The following ITFG1 variants were observed in gnomAD, a reference collection of about 807,000 sequenced individuals.
The protein encoded by ITFG1 is T-cell immunomodulatory protein.
In ITFG1, 34 loss-of-function variants were observed where a neutral mutation model predicts 81.8. The observed-to-expected ratio is 0.42, with a 90% CI of 0.32 to 0.55. ITFG1 has a LOEUF of 0.55. Ranked by LOEUF, ITFG1 falls within the 20% of genes least tolerant of loss-of-function variation. The pLI is 0.17. For missense variants in ITFG1, 672 were observed against 755.4 expected (o/e 0.89, Z 1.29); for synonymous variants, 285 against 270.6 (o/e 1.05, Z -0.52).
chr16:47,224,228 T>G (rs1047289055), intron 13 of ITFG1, among the ~76,000 whole-genome samples: 2 of 151,952 alleles, frequency 1.3e-5, no homozygotes, highest in Non-Finnish European at 2.9e-5. Flanking sequence ...AATAAATAAA[T>G]AAAAGAAAAT....
intron 8 of ITFG1, among the ~76,000 whole-genome samples, chr16:47,340,174 T>C (rs1012991133): frequency 5.3e-5 from 8 of 152,084 alleles, no homozygotes; most frequent in Non-Finnish European, 8.8e-5. Context: ...AATTTTTTTT[T>C]CCACTATCAG....
intron 5 of ITFG1, among the ~76,000 whole-genome samples, chr16:47,433,397 T>A (rs556417063): frequency 8.2e-4 from 125 of 152,338 alleles, no homozygotes; most frequent in Non-Finnish European, 1.5e-3. Flanking sequence ...GGCAACCAAC[T>A]GGCTTTGTTC....
chr16:47,240,268 C>T (rs1057335762), intron 12 of ITFG1, among the ~76,000 whole-genome samples: 30 of 146,554 alleles, frequency 2.0e-4, no homozygotes, highest in Middle Eastern at 3.6e-3. Flanking sequence ...TGCACTCCAG[C>T]CTTGGTGACA....
At chr16:47,341,358 A>G (rs1415415082) in intron 8 of ITFG1, among the ~76,000 whole-genome samples, 3 of 147,538 alleles carry the variant, frequency 2.0e-5, no homozygotes, top group Non-Finnish European at 4.5e-5. Flanking sequence ...TGATCCCTTG[A>G]GCCCAGGAGT....
At chr16:47,376,530 C>T (rs11863593) in intron 6 of ITFG1, among the ~76,000 whole-genome samples, 3,232 of 152,018 alleles carry the variant, frequency 0.021, 114 homozygotes, top group African/African-American at 0.072. Context: ...TCAAATGAAA[C>T]ATCCTATTAT....
intron 13 of ITFG1, among the ~76,000 whole-genome samples, chr16:47,233,508 A>G (rs1965839796): frequency 6.6e-6 from 1 of 152,228 alleles, no homozygotes; most frequent in Non-Finnish European, 1.5e-5. Flanking sequence ...TGAAGACTGG[A>G]GAAAAATACC....
intron 8 of ITFG1, among the ~76,000 whole-genome samples, chr16:47,346,680 C>T (rs1967859648): frequency 6.6e-6 from 1 of 152,110 alleles, no homozygotes; most frequent in Non-Finnish European, 1.5e-5. Flanking sequence ...CTGATAAATT[C>T]CTGGATATAC....
intron 10 of ITFG1, among the ~76,000 whole-genome samples, chr16:47,270,814 A>AT (rs1344002051): frequency 2.0e-5 from 3 of 151,926 alleles, no homozygotes; most frequent in African/African-American, 7.3e-5. Flanking sequence ...AAAGGAACAG[A>AT]TATTGTGTGA....
chr16:47,207,379 C>T (rs374906033), intron 14 of ITFG1, among the ~76,000 whole-genome samples: 12 of 152,312 alleles, frequency 7.9e-5, no homozygotes, highest in African/African-American at 1.7e-4. Context: ...CCACCGCGCC[C>T]GGCCTGCTCT....
intron 14 of ITFG1, among the ~76,000 whole-genome samples, chr16:47,179,814 A>G (rs1384557928): frequency 3.9e-5 from 6 of 152,160 alleles, no homozygotes; most frequent in African/African-American, 1.4e-4. Context: ...TCCATGCTCA[A>G]ATGCTGAGTT....
At chr16:47,181,991 C>G (rs904903720) in intron 14 of ITFG1, among the ~76,000 whole-genome samples, 4 of 152,000 alleles carry the variant, frequency 2.6e-5, no homozygotes, top group African/African-American at 9.7e-5. Context: ...CAGCAGGCTC[C>G]TTAAGAGTCA....
intron 14 of ITFG1, among the ~76,000 whole-genome samples, chr16:47,186,396 A>G (rs959108269): frequency 1.8e-4 from 28 of 152,178 alleles, no homozygotes; most frequent in Non-Finnish European, 2.9e-5. Flanking sequence ...GCAACACATC[A>G]AAAAGCTTAT....
chr16:47,409,615 C>G (rs1968784082), intron 6 of ITFG1, among the ~76,000 whole-genome samples: 2 of 149,318 alleles, frequency 1.3e-5, no homozygotes, highest in Admixed American at 1.3e-4. Flanking sequence ...GATGGAGTTT[C>G]ACCATGTTGG....
chr16:47,156,010 A>C (rs949296924), intron 17 of ITFG1, among the ~76,000 whole-genome samples: 2 of 152,222 alleles, frequency 1.3e-5, no homozygotes, highest in Admixed American at 1.3e-4. Context: ...GGCACATTAA[A>C]TACTTAGGGT....
At chr16:47,372,002 C>T (rs547623981) in intron 7 of ITFG1, among the ~76,000 whole-genome samples, 1 of 151,952 alleles carries the variant, frequency 6.6e-6, no homozygotes, top group South Asian at 2.1e-4. Context: ...CAAGCTCCAC[C>T]TCCCAGGTTC....
intron 14 of ITFG1, among the ~76,000 whole-genome samples, chr16:47,205,839 T>TCTATCTAC (rs1183217719): frequency 6.6e-5 from 7 of 106,810 alleles, no homozygotes; most frequent in African/African-American, 2.1e-4. Flanking sequence ...TATCTATCTA[T>TCTATCTAC]CTATCTATCT....
At chr16:47,162,758 C>A in intron 14 of ITFG1, 94 bp from the exon 15 acceptor site, 2 of 1,059,380 alleles carry the variant, frequency 1.9e-6, no homozygotes, top group Non-Finnish European at 2.7e-6. Context: ...AATTTAGGTA[C>A]TGGAATGTAT....
At chr16:47,176,667 A>T (rs1475154710) in intron 14 of ITFG1, among the ~76,000 whole-genome samples, 1 of 152,192 alleles carries the variant, frequency 6.6e-6, no homozygotes, top group Non-Finnish European at 1.5e-5. Context: ...ACTATAAGTG[A>T]CAGCTATTTC....
intron 14 of ITFG1, among the ~76,000 whole-genome samples, chr16:47,199,177 G>T (rs1965393939): frequency 6.6e-6 from 1 of 151,710 alleles, no homozygotes; most frequent in African/African-American, 2.4e-5. Flanking sequence ...TGAGGCAGGA[G>T]AATTGCTTGA....
Sources: allele counts gnomAD v4.1 joint callset (sites outside exome capture counted in the v4.1 genomes callset), GRCh38; gene constraint gnomAD v4.1.1; transcripts MANE v1.5; gene names NCBI Gene and HGNC (gene_info 2026-07-23, HGNC 2026-07-21).